MB21D2: variants seen among roughly 807,000 people sequenced by gnomAD.
MB21D2 encodes nucleotidyltransferase MB21D2.
In MB21D2, 9 loss-of-function variants were observed where a neutral mutation model predicts 33.3. That is an observed-to-expected ratio of 0.27 (90% confidence interval 0.16 to 0.47). The LOEUF is 0.47. Ranked by LOEUF, MB21D2 falls within the 20% of genes least tolerant of loss-of-function variation. The pLI, the probability that MB21D2 is intolerant of heterozygous loss-of-function variation, is 0.99. For missense variants in MB21D2, 540 were observed against 624.6 expected (o/e 0.86, Z 1.44); for synonymous variants, 241 against 236.3 (o/e 1.02, Z -0.18).
At chr3:192,899,232 C>G (rs1714042086) in intron 1 of MB21D2, among the ~76,000 whole-genome samples, 2 of 152,098 alleles carry the variant, frequency 1.3e-5, no homozygotes, top group Admixed American at 1.3e-4. Flanking sequence ...GTAGAACAGG[C>G]TAAGGAGTTT....
At chr3:192,844,336 T>C (rs2108626690) in intron 1 of MB21D2, among the ~76,000 whole-genome samples, 1 of 152,316 alleles carries the variant, frequency 6.6e-6, no homozygotes, top group Non-Finnish European at 1.5e-5. Context: ...GGTGCTCATG[T>C]GAATTAAATG....
chr3:192,890,506 C>T (rs1222920941), intron 1 of MB21D2, among the ~76,000 whole-genome samples: 6 of 150,342 alleles, frequency 4.0e-5, no homozygotes, highest in Non-Finnish European at 5.9e-5. Flanking sequence ...AGGACAAAAG[C>T]GAAACCTGAA....
At chr3:192,821,744 G>C (rs1712064054) in intron 1 of MB21D2, among the ~76,000 whole-genome samples, 1 of 152,162 alleles carries the variant, frequency 6.6e-6, no homozygotes, top group Non-Finnish European at 1.5e-5. Context: ...GTGGGAGTTG[G>C]ATTCAGAGTT....
At chr3:192,894,839 G>T (rs957591862) in intron 1 of MB21D2, among the ~76,000 whole-genome samples, 3 of 151,996 alleles carry the variant, frequency 2.0e-5, no homozygotes, top group African/African-American at 7.3e-5. Context: ...CTCCCTCAAG[G>T]GAAACCTCCC....
intron 1 of MB21D2, among the ~76,000 whole-genome samples, chr3:192,882,374 A>C (rs1577195008): frequency 1.8e-5 from 1 of 57,020 alleles, no homozygotes; most frequent in African/African-American, 2.0e-4. Flanking sequence ...TGCGCCCCGC[A>C]CATTATTAAA....
At chr3:192,903,025 C>T (rs1714136796) in intron 1 of MB21D2, among the ~76,000 whole-genome samples, 1 of 152,180 alleles carries the variant, frequency 6.6e-6, no homozygotes, top group African/African-American at 2.4e-5. Flanking sequence ...AAAAATACAC[C>T]TTGCCTATGA....
At chr3:192,869,475 G>A (rs1211228632) in intron 1 of MB21D2, among the ~76,000 whole-genome samples, 1 of 152,162 alleles carries the variant, frequency 6.6e-6, no homozygotes, top group African/African-American at 2.4e-5. Context: ...GCCGAGGCCT[G>A]ATGATGTAAC....
At chr3:192,916,192 G>C (rs1464547049) in intron 1 of MB21D2, among the ~76,000 whole-genome samples, 1 of 151,160 alleles carries the variant, frequency 6.6e-6, no homozygotes, top group Non-Finnish European at 1.5e-5. Flanking sequence ...CATACGCAAC[G>C]TAAGACACAC....
chr3:192,861,729 G>A lies in MB21D2; in HGVS notation c.211+55901C>T, dbSNP rs950427052. ...TAAGGCAGGAGAATCACTTGAACCC[G>A]GGAGGTGGAGGTTTGCGGTGAGCCA... On this transcript the variant is annotated intron_variant, in intron 1 of 1. Transcript: ENST00000392452. Among the ~76,000 whole-genome samples, 7 of 152,238 alleles carry A rather than the reference G, an allele frequency of 4.6e-5. 1 individual carries two copies. Among genetic ancestry groups the A allele is most frequent in the Non-Finnish European group, 7.4e-5 (5 of 68,010 alleles).
chr3:192,807,658 G>A (rs1711692544), intron 1 of MB21D2, among the ~76,000 whole-genome samples: 1 of 152,090 alleles, frequency 6.6e-6, no homozygotes, highest in Non-Finnish European at 1.5e-5. Flanking sequence ...TAATGAAGTA[G>A]GCCAAGTCTA....
intron 1 of MB21D2, among the ~76,000 whole-genome samples, chr3:192,882,859 C>A (rs1047196930): frequency 6.6e-6 from 1 of 151,952 alleles, no homozygotes; most frequent in Non-Finnish European, 1.5e-5. Flanking sequence ...CTCAGCCTCC[C>A]GAGTAGCTGG....
intron 1 of MB21D2, among the ~76,000 whole-genome samples, chr3:192,836,168 G>A (rs1712434594): frequency 6.6e-6 from 1 of 152,188 alleles, no homozygotes; most frequent in Non-Finnish European, 1.5e-5. Flanking sequence ...GGCATTCCTT[G>A]AAGGTAGCAT....
chr3:192,830,269 TGG>T (rs3048756), intron 1 of MB21D2, among the ~76,000 whole-genome samples: 9 of 144,262 alleles, frequency 6.2e-5, no homozygotes, highest in African/African-American at 1.8e-4. Context: ...TGTGTGTGTG[TGG>T]GTGTCAAAGG....
intron 1 of MB21D2, among the ~76,000 whole-genome samples, chr3:192,861,762 G>A (rs1161711562): frequency 2.6e-5 from 4 of 152,062 alleles, no homozygotes; most frequent in South Asian, 2.1e-4. Context: ...CCAAGATCAC[G>A]CCATTGCACT....
At chr3:192,850,707 G>T (rs1036290376) in intron 1 of MB21D2, among the ~76,000 whole-genome samples, 2 of 152,160 alleles carry the variant, frequency 1.3e-5, no homozygotes, top group African/African-American at 4.8e-5. Context: ...TCTCCCTGCG[G>T]CCTAGATCCC....
chr3:192,827,899 C>G (rs529893303), intron 1 of MB21D2, among the ~76,000 whole-genome samples: 1 of 152,176 alleles, frequency 6.6e-6, no homozygotes, highest in South Asian at 2.1e-4. Context: ...ATCATTACCA[C>G]CTGTTGTGAG....
intron 1 of MB21D2, among the ~76,000 whole-genome samples, chr3:192,882,229 G>A (rs905501179): frequency 6.6e-6 from 1 of 151,940 alleles, no homozygotes; most frequent in African/African-American, 2.4e-5. Context: ...GGGTTCAAGC[G>A]ATTCTCCTGC....
At chr3:192,822,982 G>A (rs1712093242) in intron 1 of MB21D2, among the ~76,000 whole-genome samples, 1 of 152,056 alleles carries the variant, frequency 6.6e-6, no homozygotes, top group Non-Finnish European at 1.5e-5. Context: ...TCACCCTAAT[G>A]GCAACATTCA....
At chr3:192,874,012 T>C (rs1003120839) in intron 1 of MB21D2, among the ~76,000 whole-genome samples, 3 of 152,190 alleles carry the variant, frequency 2.0e-5, no homozygotes, top group African/African-American at 7.2e-5. Context: ...TTGAGCACAG[T>C]GTTTTCCTAG....
Sources: gnomAD v4.1 joint callset for allele counts (sites outside exome capture counted in the v4.1 genomes callset) on GRCh38, gnomAD v4.1.1 for gene constraint, MANE v1.5 for transcripts, NCBI Gene and HGNC (gene_info 2026-07-23, HGNC 2026-07-21) for gene names.